Variants in RHBG observed in about 807,000 individuals in gnomAD.
RHBG encodes Rh family B glycoprotein, also known as ammonium transporter Rh type B.
RHBG carries 39 observed loss-of-function variants against 40.1 expected under a neutral mutation model. The ratio of observed to expected loss-of-function variants is 0.97; its 90% CI spans 0.75 to 1.27. RHBG has a LOEUF of 1.27. RHBG is among the 50% of genes most tolerant of loss of function. The pLI, the probability that RHBG is intolerant of heterozygous loss-of-function variation, is 0.00. For missense variants in RHBG, 549 were observed against 588.1 expected, an observed-to-expected ratio of 0.93 and a Z score of 0.69; for synonymous variants, 237 against 252.5, an observed-to-expected ratio of 0.94 and a Z score of 0.58.
At chr1:156,372,726 A>C (rs1005098444) in intron 1 of RHBG, among the ~76,000 whole-genome samples, 13 of 152,196 alleles carry the variant, frequency 8.5e-5, no homozygotes, top group African/African-American at 2.4e-4. Flanking sequence ...TCCATACTTT[A>C]CAGATGAGAA....
chr1:156,378,428 C>A, intron 4 of RHBG, 29 bp downstream of exon 4: 1 of 1,564,154 alleles, frequency 6.4e-7, no homozygotes, highest in Middle Eastern at 1.7e-4. Flanking sequence ...GGTAGCAGGG[C>A]AGGGGGCTGG....
chr1:156,371,164 CT>C (rs752310929), intron 1 of RHBG: 66,744 of 354,208 alleles, frequency 0.19, no homozygotes, highest in South Asian at 0.29. Flanking sequence ...TATTTTCTTT[CT>C]TTTTTTTTTT....
Position 156,381,386 on chromosome 1 carries a change from C to G in RHBG, c.713C>G (p.Ala238Gly). 1 of 1,614,178 alleles carries G rather than the reference C, an allele frequency of 6.2e-7. No individual in the cohort carries two copies. The highest frequency in any genetic ancestry group is 8.5e-7 in the Non-Finnish European group (1 of 1,180,044). The change falls in exon 5 of 10, where the codon GCT (alanine) becomes GGT (glycine). Residue 238 changes from alanine to glycine, a missense_variant. By Grantham distance (60) the Ala-to-Gly change is moderately conservative. Transcript: ENST00000537040. ...TGGATCTTCTGGCCTAGCTTCAATG[C>G]TGCACTCACAGCGCTGGGGGCTGGG... The part of the protein sequence containing the change: ...FLWIFWPSFN[A>G]ALTALGAGQH...
At chr1:156,369,961 C>A (rs545613438) in intron 1 of RHBG, among the ~76,000 whole-genome samples, 1 of 152,174 alleles carries the variant, frequency 6.6e-6, no homozygotes, top group East Asian at 1.9e-4. Flanking sequence ...GCAGCCAAGA[C>A]CAGTTGGGAT....
intron 7 of RHBG, chr1:156,382,433 T>C (rs549753929): frequency 2.2e-4 from 141 of 644,560 alleles, no homozygotes; most frequent in Non-Finnish European, 3.5e-4. Flanking sequence ...TACTTGTTAC[T>C]GAAGGGTCAG....
chr1:156,372,378 T>C (rs1179338101), intron 1 of RHBG, among the ~76,000 whole-genome samples: 2 of 142,594 alleles, frequency 1.4e-5, no homozygotes, highest in African/African-American at 5.1e-5. Flanking sequence ...AGAAAGCAAG[T>C]GATGGAAAAA....
chr1:156,373,902 T>C (rs1270510056), intron 1 of RHBG, among the ~76,000 whole-genome samples: 1 of 152,186 alleles, frequency 6.6e-6, no homozygotes, highest in African/African-American at 2.4e-5. Flanking sequence ...GTGATGCCTC[T>C]CCCTTTCTGT....
intron 6 of RHBG, 49 bp from the exon 7 acceptor site, chr1:156,382,019 G>A (rs759212703): frequency 1.5e-5 from 24 of 1,609,276 alleles, no homozygotes; most frequent in Non-Finnish European, 2.0e-5. Flanking sequence ...AACAGGATGA[G>A]GTGGTGGGGA....
At chr1:156,373,792 G>C (rs568807873) in intron 1 of RHBG, among the ~76,000 whole-genome samples, 1 of 152,292 alleles carries the variant, frequency 6.6e-6, no homozygotes, top group South Asian at 2.1e-4. Context: ...TGCTGTCCTT[G>C]AGCACAAGAA....
rs751532574 is a variant in RHBG at position 156,369,384 on chromosome 1, G to A, written c.135G>A (p.Trp45Ter). 19 of 1,614,118 alleles carry A rather than the reference G, an allele frequency of 1.2e-5. 1 individual carries two copies. In the South Asian group the frequency reaches 2.1e-4, roughly 18 times the overall value. Residue 45 changes from tryptophan (W) to a stop codon, truncating the protein, a stop_gained, in exon 1 of 10, where the codon TGG becomes TGA. Transcript: ENST00000537040. LOFTEE classifies it high-confidence loss of function. ...RYNHKTDAAL[W>*]HRSNHSNADN... ...ACCACAAAACCGACGCTGCCCTCTG[G>A]CACCGGAGCAACCACAGTAACGCGG...
intron 4 of RHBG, among the ~76,000 whole-genome samples, chr1:156,380,115 T>TC (rs1159876666): frequency 1.5e-5 from 2 of 131,072 alleles, no homozygotes; most frequent in Non-Finnish European, 3.3e-5. Context: ...TCTTTTTCTT[T>TC]TTTTTTTTTT....
chr1:156,383,822 C>T (rs1177159477), intron 8 of RHBG, among the ~76,000 whole-genome samples: 3 of 131,368 alleles, frequency 2.3e-5, no homozygotes, highest in Admixed American at 1.8e-4. Context: ...CCACTGCGCC[C>T]GGCCTATTTT....
chr1:156,374,931 T>C (rs1236348547), intron 1 of RHBG, among the ~76,000 whole-genome samples: 1 of 152,150 alleles, frequency 6.6e-6, no homozygotes, highest in African/African-American at 2.4e-5. Flanking sequence ...CCACTGTGTA[T>C]ATGTACCACA....
rs201683131 is a variant in RHBG at position 156,378,438 on chromosome 1, G to T, written c.673+39G>T. 895 of 1,546,150 alleles carry T rather than the reference G, an allele frequency of 5.8e-4. 1 individual carries two copies. The highest frequency in any genetic ancestry group is 7.3e-4 in the Non-Finnish European group (832 of 1,145,050). On this transcript the variant is annotated intron_variant, in intron 4 of 9. Coordinates refer to ENST00000537040, the MANE Select transcript of RHBG (RefSeq NM_020407.5). ...GGTGCGGTAGCAGGGCAGGGGGCTGGTCTGGAGGCCTCATCTGGGCCAGAG... is the reference window on the plus strand; with the variant it reads ...GGTGCGGTAGCAGGGCAGGGGGCTGTTCTGGAGGCCTCATCTGGGCCAGAG...
intron 8 of RHBG, 109 bp downstream of exon 8, chr1:156,382,978 A>G: frequency 1.3e-6 from 2 of 1,510,582 alleles, no homozygotes; most frequent in Non-Finnish European, 1.8e-6. Flanking sequence ...GCCATAAAGT[A>G]GGGATTGGGT....
At chr1:156,378,487 C>A in intron 4 of RHBG, 88 bp downstream of exon 4, 1 of 1,468,034 alleles carries the variant, frequency 6.8e-7, no homozygotes, top group Non-Finnish European at 9.2e-7. Context: ...GGGGTGCTGA[C>A]TGCAGTCCTG....
intron 8 of RHBG, 163 bp from the exon 9 acceptor site, chr1:156,384,364 C>G (rs548783984): frequency 7.6e-5 from 56 of 734,354 alleles, no homozygotes; most frequent in Non-Finnish European, 1.4e-4. Flanking sequence ...TGCACAGGGC[C>G]TGGCACATAG....
At chr1:156,384,627 C>G (rs1440052594) in intron 9 of RHBG, 27 bp downstream of exon 9, 1 of 1,559,122 alleles carries the variant, frequency 6.4e-7, no homozygotes, top group Non-Finnish European at 8.7e-7. Context: ...CTCTCACACC[C>G]TCTGAGTCTC....
rs1428622803 is a variant in RHBG at position 156,385,154 on chromosome 1, C to T, written c.*309C>T. ...GCACCCAAGTGATCCACTGGCCCCA[C>T]GTCACACAGTTACAGTGAAGCCCAA... On this transcript the variant is annotated 3_prime_UTR_variant, in exon 10 of 10. Coordinates refer to ENST00000537040, the MANE Select transcript of RHBG (RefSeq NM_020407.5). 2.6e-5 allele frequency: 8 copies of T among 310,762 alleles called. No individual in the cohort carries two copies. The highest frequency in any genetic ancestry group is 5.7e-5 in the South Asian group (1 of 17,638). 19.3% of individuals were successfully genotyped at this position (310,762 alleles called of 1,614,324 possible). A position where few individuals can be genotyped will look rare whatever the true frequency, so the allele number is the denominator to read the frequency against.
Sources: allele counts gnomAD v4.1 joint callset (sites outside exome capture counted in the v4.1 genomes callset), GRCh38; gene constraint gnomAD v4.1.1; transcripts MANE v1.5; gene names NCBI Gene and HGNC (gene_info 2026-07-23, HGNC 2026-07-21).